Variants in G6PC2 observed in about 807,000 individuals in gnomAD.
G6PC2 encodes glucose-6-phosphatase catalytic subunit 2, also known as glucose-6-phosphatase 2.
A neutral mutation model predicts 35.4 loss-of-function variants in G6PC2; 41 were observed. That is an observed-to-expected ratio of 1.16 (90% CI 0.90 to 1.50). The LOEUF is 1.50. Ranked by LOEUF, G6PC2 falls within the 40% of genes most tolerant of loss-of-function variation. G6PC2 has a pLI of 0.00. For missense variants in G6PC2, 441 were observed against 426.5 expected, an observed-to-expected ratio of 1.03 and a Z score of -0.30; for synonymous variants, 165 against 153.2, an observed-to-expected ratio of 1.08 and a Z score of -0.57.
At position 168,907,957 on chromosome 2, in the gene G6PC2, G is replaced by A. The variant is rs574976550; in HGVS notation, c.946G>A (p.Glu316Lys). The A allele has an allele frequency of 3.0e-5, 48 of 1,614,074 alleles. No homozygotes were observed. The South Asian group carries it at 4.0e-4, about 13-fold the overall frequency. The stretch of plus-strand genomic sequence containing the variant: ...CCATTTCCTCCAGATCCCGACTCAC[G>A]AAGAGCATTTATTTTATGTGCTGTC... ...LYHFLQIPTHEEHLFYVLSFC... is the reference protein window; with the variant it reads ...LYHFLQIPTHKEHLFYVLSFC... Residue 316 changes from glutamate (E) to lysine (K), a missense_variant, in exon 5 of 5, where the codon GAA becomes AAA. Physicochemically the swap from Glu to Lys is moderately conservative, Grantham distance 56. Coordinates refer to ENST00000375363, the MANE Select transcript of G6PC2 (RefSeq NM_021176.3).
chr2:168,905,908 C>A (rs1175510340), intron 3 of G6PC2, among the ~76,000 whole-genome samples: 1 of 151,842 alleles, frequency 6.6e-6, no homozygotes, highest in Non-Finnish European at 1.5e-5. Flanking sequence ...TTATCAGGAA[C>A]AAACCATTCA....
At position 168,908,240 on chromosome 2, in the gene G6PC2, GT is replaced by G. The variant is rs1299816507; in HGVS notation, c.*162del. 8 of 641,972 alleles carry G rather than the reference GT, an allele frequency of 1.2e-5. No homozygotes were observed. In the African/African-American group the frequency reaches 1.3e-4, roughly 10 times the overall value. The allele number at this position is 641,972 out of a possible 1,614,324, so 39.8% of individuals were successfully genotyped here. On this transcript the variant is annotated 3_prime_UTR_variant, in exon 5 of 5. Transcript: ENST00000375363. The stretch of plus-strand genomic sequence containing the variant: ...GATGTTTAGTTTGGCCTTCGCACTG[GT>G]CTTTTTTTTTAATCCTTCAGTTACC...
rs143686780 is a variant in G6PC2, at chr2:168,907,877, C to T, written c.866C>T (p.Thr289Ile). 1.2e-6 allele frequency: 2 copies of T among 1,613,868 alleles called. No individual in the cohort carries two copies. Among genetic ancestry groups the T allele is most frequent in the Non-Finnish European group, 8.5e-7 (1 of 1,179,750 alleles). Residue 289 changes from threonine to isoleucine, a missense_variant, in exon 5 of 5, where the codon ACA becomes ATA. Physicochemically the swap from Thr to Ile is moderately conservative, Grantham distance 89. Transcript: ENST00000375363. The part of the protein sequence containing the change: ...LLSCRGGNNY[T>I]LSFRLLCALT... ...AGCTGCCGAGGGGGAAATAACTACA[C>T]ACTGAGCTTCCGGTTGCTCTGTGCC...
At chr2:168,902,709 G>A (rs1368100202) in intron 2 of G6PC2, among the ~76,000 whole-genome samples, 155 bp downstream of exon 2, 1 of 152,032 alleles carries the variant, frequency 6.6e-6, no homozygotes, top group Admixed American at 6.6e-5. Flanking sequence ...TTACTAATGA[G>A]GAAGCAAAGC....
At chr2:168,906,951 T>C (rs985107404) in intron 4 of G6PC2, among the ~76,000 whole-genome samples, 172 bp downstream of exon 4, 3 of 152,200 alleles carry the variant, frequency 2.0e-5, no homozygotes, top group Non-Finnish European at 2.9e-5. Flanking sequence ...ACACCTCTCA[T>C]AGCCTCCATG....
At chr2:168,904,438 T>C (rs927311966) in intron 2 of G6PC2, 67 bp from the exon 3 acceptor site, 2 of 832,688 alleles carry the variant, frequency 2.4e-6, no homozygotes, top group African/African-American at 1.7e-5. Flanking sequence ...AATATGCTAT[T>C]CTATTATTCA....
At chr2:168,906,606 A>G in intron 3 of G6PC2, 58 bp from the exon 4 acceptor site, 1 of 832,360 alleles carries the variant, frequency 1.2e-6, no homozygotes, top group Non-Finnish European at 2.1e-6. Context: ...CACCCCCTCT[A>G]ATTTTGAGTG....
At position 168,901,352 on chromosome 2, in the gene G6PC2, T is replaced by A; in HGVS notation, c.21T>A (p.Asn7Lys). The A allele has an allele frequency of 2.5e-6, 4 of 1,592,830 alleles. No individual in the cohort carries two copies. The highest frequency in any genetic ancestry group is 3.4e-6 in the Non-Finnish European group (4 of 1,160,490). The stretch of plus-strand genomic sequence containing the variant: ...TCAAGATGGATTTCCTTCACAGGAA[T>A]GGAGTGCTCATAATTCAGCATTTGC... MDFLHR[N>K]GVLIIQHLQK... Residue 7 changes from asparagine (N) to lysine (K), a missense_variant, in exon 1 of 5, where the codon AAT becomes AAA. By Grantham distance (94) the Asn-to-Lys change is moderately conservative (BLOSUM62 0). Coordinates refer to ENST00000375363, the MANE Select transcript of G6PC2 (RefSeq NM_021176.3).
chr2:168,905,553 AAAGG>A (rs1690691091), intron 3 of G6PC2, among the ~76,000 whole-genome samples: 2 of 152,188 alleles, frequency 1.3e-5, no homozygotes, highest in Non-Finnish European at 2.9e-5. Flanking sequence ...AACAACATAA[AAAGG>A]TGCTATAATG....
rs1690614585 is a variant in G6PC2, at chr2:168,902,309, A to G, written c.219-136A>G. ...GAGAGACCAAGACCTAAGTTTTTTC[A>G]AAGTCTCTTAATCATGAACTTTCAC... On this transcript the variant is annotated intron_variant, in intron 1 of 4. Transcript: ENST00000375363. 6.3e-6 allele frequency: 4 copies of G among 637,382 alleles called. No individual in the cohort carries two copies. In the Admixed American group the frequency reaches 7.6e-5, roughly 12 times the overall value. 39.5% of individuals were successfully genotyped at this position (637,382 alleles called of 1,614,324 possible). A position where few individuals can be genotyped will look rare whatever the true frequency, so the allele number is the denominator to read the frequency against.
chr2:168,907,243 C>T (rs1171599466), intron 4 of G6PC2, among the ~76,000 whole-genome samples: 2 of 152,136 alleles, frequency 1.3e-5, no homozygotes, highest in Admixed American at 6.5e-5. Flanking sequence ...TCAGCACCAC[C>T]TTACCTTTCA....
At chr2:168,901,723 A>G (rs1389745974) in intron 1 of G6PC2, among the ~76,000 whole-genome samples, 174 bp downstream of exon 1, 2 of 145,762 alleles carry the variant, frequency 1.4e-5, no homozygotes, top group East Asian at 2.1e-4. Flanking sequence ...ACAGAAATGT[A>G]TATATATGTT....
At chr2:168,904,817 C>T (rs1690672731) in intron 3 of G6PC2, among the ~76,000 whole-genome samples, 1 of 152,192 alleles carries the variant, frequency 6.6e-6, no homozygotes, top group Non-Finnish European at 1.5e-5. Context: ...ATAGCTATTT[C>T]CACTTTTCAA....
intron 2 of G6PC2, 81 bp downstream of exon 2, chr2:168,902,635 T>A: frequency 1.3e-6 from 1 of 775,936 alleles, no homozygotes; most frequent in East Asian, 2.5e-5. Flanking sequence ...TAGGAACTGA[T>A]ATTATATAGG....
chr2:168,908,228 G>A lies in G6PC2; in HGVS notation c.*149G>A, dbSNP rs1470731180. The A allele has an allele frequency of 1.9e-5, 13 of 680,830 alleles. No individual in the cohort carries two copies. Among genetic ancestry groups the A allele is most frequent in the Non-Finnish European group, 3.4e-5 (13 of 387,208 alleles). 42.2% of individuals were successfully genotyped at this position (680,830 alleles called of 1,614,324 possible). A position where few individuals can be genotyped will look rare whatever the true frequency, so the allele number is the denominator to read the frequency against. On this transcript the variant is annotated 3_prime_UTR_variant, in exon 5 of 5. Transcript: ENST00000375363. ...ATTCCCCATAGAGATGTTTAGTTTG[G>A]CCTTCGCACTGGTCTTTTTTTTTAA...
chr2:168,901,824 C>T (rs1399968457), intron 1 of G6PC2, among the ~76,000 whole-genome samples: 1 of 151,364 alleles, frequency 6.6e-6, no homozygotes, highest in Non-Finnish European at 1.5e-5. Flanking sequence ...GCAACCTCTG[C>T]CTCCCAGGTT....
intron 3 of G6PC2, 123 bp downstream of exon 3, chr2:168,904,739 T>C: frequency 1.4e-6 from 1 of 714,616 alleles, no homozygotes; most frequent in African/African-American, 1.7e-5. Flanking sequence ...TTCTATTCTT[T>C]CATAGACAAA....
At chr2:168,906,859 G>C in intron 4 of G6PC2, 80 bp downstream of exon 4, 1 of 819,032 alleles carries the variant, frequency 1.2e-6, no homozygotes, top group Non-Finnish European at 2.2e-6. Context: ...GATTGTCCCC[G>C]GTAATCAACT....
chr2:168,907,168 G>A (rs1253086774), intron 4 of G6PC2, among the ~76,000 whole-genome samples: 2 of 152,068 alleles, frequency 1.3e-5, no homozygotes, highest in African/African-American at 2.4e-5. Context: ...ACATGATTAC[G>A]GACTCCATTT....
Sources: gnomAD v4.1 joint callset for allele counts (sites outside exome capture counted in the v4.1 genomes callset) on GRCh38, gnomAD v4.1.1 for gene constraint, MANE v1.5 for transcripts, NCBI Gene and HGNC (gene_info 2026-07-23, HGNC 2026-07-21) for gene names.